DGLUCY: variants seen among roughly 807,000 people sequenced by gnomAD.
DGLUCY encodes the protein D-glutamate cyclase, mitochondrial.
Under a neutral mutation model 58.5 loss-of-function variants are expected in DGLUCY, and 58 were observed. That is an observed-to-expected ratio of 0.99 (90% CI 0.80 to 1.23). The LOEUF is 1.23. DGLUCY is among the 50% of genes most tolerant of loss of function. The pLI is 0.00. For missense variants in DGLUCY, 779 were observed against 784.7 expected (o/e 0.99, Z 0.09); for synonymous variants, 325 against 314.1 (o/e 1.03, Z -0.37).
upstream of DGLUCY, among the ~76,000 whole-genome samples, chr14:91,104,071 T>TC (rs1566941663): frequency 7.5e-6 from 1 of 133,548 alleles, no homozygotes; most frequent in Non-Finnish European, 1.6e-5. Context: ...CTTTTTTTTT[T>TC]TTTTTTTTTG....
chr14:91,119,843 G>C (rs183820843), intron 1 of DGLUCY, among the ~76,000 whole-genome samples: 2 of 152,300 alleles, frequency 1.3e-5, no homozygotes, highest in East Asian at 3.9e-4. Flanking sequence ...TAGACTGGCT[G>C]AGTCTTTCAG....
At position 91,074,118 on chromosome 14, in the gene DGLUCY, T is replaced by TACACACACACACACACACAC. The variant is rs3086753; in HGVS notation, c.-82+13438_-82+13457dup. Reference sequence around the variant, plus strand: ...CAAAAAAAAAAAATATATATATATATACACACACACACACACACACACACA... The same window carrying TACACACACACACACACACAC: ...CAAAAAAAAAAAATATATATATATATACACACACACACACACACACACACACACACACACACACACACACA... On this transcript the variant is annotated intron_variant, in intron 1 of 4. Transcript: ENST00000521334. 7.3e-4 allele frequency among the ~76,000 whole-genome samples: 51 copies of TACACACACACACACACACAC among 70,332 alleles called. 1 individual carries two copies. The highest frequency in any genetic ancestry group is 2.8e-3 in the South Asian group (4 of 1,444). 46.1% of individuals were successfully genotyped at this position (70,332 alleles called of 152,430 possible).
chr14:91,211,740 G>A (rs1405534333), intron 12 of DGLUCY, among the ~76,000 whole-genome samples: 2 of 152,144 alleles, frequency 1.3e-5, no homozygotes, highest in African/African-American at 2.4e-5. Context: ...ACTCCTGTAA[G>A]GTAACATAGG....
chr14:91,080,368 CTA>C (rs2044103178), intron 1 of DGLUCY, among the ~76,000 whole-genome samples: 1 of 152,136 alleles, frequency 6.6e-6, no homozygotes, highest in Admixed American at 6.6e-5. Flanking sequence ...GAAACTGACA[CTA>C]TTTATTTTTT....
intron 1 of DGLUCY, among the ~76,000 whole-genome samples, chr14:91,097,267 G>A (rs1426123468): frequency 1.3e-5 from 2 of 152,038 alleles, no homozygotes; most frequent in Non-Finnish European, 2.9e-5. Flanking sequence ...GGTGTGACAC[G>A]TGCCTGTGGT....
chr14:91,086,409 T>C (rs1187394747), intron 1 of DGLUCY, among the ~76,000 whole-genome samples: 2 of 152,190 alleles, frequency 1.3e-5, no homozygotes, highest in Non-Finnish European at 2.9e-5. Flanking sequence ...TTACAAGATA[T>C]GGTGTAGTAT....
intron 9 of DGLUCY, among the ~76,000 whole-genome samples, chr14:91,193,283 C>T (rs1026461709): frequency 1.3e-5 from 2 of 152,298 alleles, no homozygotes; most frequent in Admixed American, 6.5e-5. Context: ...CATCTGACAA[C>T]GGTGTTGCTG....
intron 1 of DGLUCY, among the ~76,000 whole-genome samples, chr14:91,100,350 C>T (rs1157973799): frequency 2.0e-5 from 3 of 152,110 alleles, no homozygotes; most frequent in East Asian, 3.9e-4. Context: ...AACCTCCTCA[C>T]GACTTTTGAG....
intron 4 of DGLUCY, 84 bp downstream of exon 4, chr14:91,167,462 T>G: frequency 6.4e-7 from 1 of 1,564,472 alleles, no homozygotes; most frequent in Non-Finnish European, 8.8e-7. Context: ...GGGACCTCTC[T>G]GTCCAGCCTC....
chr14:91,163,440 A>G (rs1469867748), intron 3 of DGLUCY, among the ~76,000 whole-genome samples: 1 of 152,152 alleles, frequency 6.6e-6, no homozygotes, highest in African/African-American at 2.4e-5. Context: ...GGCTTTCGGC[A>G]GCTGGGGGTG....
Position 91,102,576 on chromosome 14 carries a change from G to A in DGLUCY, c.-82+41872G>A, listed in dbSNP as rs1595645194. 6.6e-5 allele frequency among the ~76,000 whole-genome samples: 10 copies of A among 152,234 alleles called. No homozygotes were observed. In the South Asian group the frequency reaches 1.5e-3, roughly 22 times the overall value. Reference sequence around the variant, plus strand: ...ATGGCAGAGGAGCAGTGGTGTCCACGGAGAGACTGTGGAATGTCAGCAAAC... The same window carrying A: ...ATGGCAGAGGAGCAGTGGTGTCCACAGAGAGACTGTGGAATGTCAGCAAAC... On this transcript the variant is annotated intron_variant, in intron 1 of 4. Transcript: ENST00000521334.
chr14:91,115,762 C>T (rs748870437), intron 1 of DGLUCY, among the ~76,000 whole-genome samples: 2 of 152,202 alleles, frequency 1.3e-5, no homozygotes, highest in Non-Finnish European at 2.9e-5. Flanking sequence ...GCTAGATCCC[C>T]GGAGGCCAAC....
Position 91,176,160 on chromosome 14 carries a change from G to A in DGLUCY, c.730+104G>A. ...CGTAGTACAATGATTTAAAAATAAA[G>A]CCATGAAACAAAACACAAAACAGAG... On this transcript the variant is annotated intron_variant, in intron 7 of 13. Coordinates refer to ENST00000256324, the MANE Select transcript of DGLUCY (RefSeq NM_001102368.3). The A allele has an allele frequency of 2.1e-6, 3 of 1,396,704 alleles. No homozygotes were observed. In the South Asian group the frequency reaches 4.4e-5, roughly 20 times the overall value. The allele number at this position is 1,396,704 out of a possible 1,614,324, so 86.5% of individuals were successfully genotyped here.
chr14:91,157,851 A>G (rs149919484), intron 2 of DGLUCY, among the ~76,000 whole-genome samples, 161 bp downstream of exon 2: 6 of 152,176 alleles, frequency 3.9e-5, no homozygotes, highest in African/African-American at 1.4e-4. Flanking sequence ...CATTTACATT[A>G]AAACAGTACA....
intron 5 of DGLUCY, among the ~76,000 whole-genome samples, chr14:91,172,236 A>G (rs1005992581): frequency 1.3e-5 from 2 of 151,892 alleles, no homozygotes; most frequent in African/African-American, 4.8e-5. Flanking sequence ...ACACCCAGCT[A>G]ATTTATGGTT....
intron 7 of DGLUCY, among the ~76,000 whole-genome samples, chr14:91,178,662 C>T (rs1418777782): frequency 1.3e-5 from 2 of 152,154 alleles, no homozygotes; most frequent in African/African-American, 4.8e-5. Context: ...ACTTTTTCCC[C>T]TTACACATCA....
At chr14:91,204,385 G>A (rs1490453760) in intron 11 of DGLUCY, among the ~76,000 whole-genome samples, 3 of 152,210 alleles carry the variant, frequency 2.0e-5, no homozygotes, top group Admixed American at 6.5e-5. Context: ...CTGGAAGGGA[G>A]GTCCTGAGTG....
intron 1 of DGLUCY, among the ~76,000 whole-genome samples, chr14:91,117,199 C>T (rs116880973): frequency 1.9e-3 from 295 of 152,282 alleles, no homozygotes; most frequent in Non-Finnish European, 3.8e-3. Context: ...CATGCTAATG[C>T]ATTATGGTTA....
upstream of DGLUCY, among the ~76,000 whole-genome samples, chr14:91,106,983 A>G (rs570475269): frequency 7.2e-5 from 11 of 152,294 alleles, no homozygotes; most frequent in Admixed American, 3.9e-4. Flanking sequence ...ACAGTTTGCA[A>G]TTGCTTATTT....
Sources: gnomAD v4.1 joint callset for allele counts (sites outside exome capture counted in the v4.1 genomes callset) on GRCh38, gnomAD v4.1.1 for gene constraint, MANE v1.5 for transcripts, NCBI Gene and HGNC (gene_info 2026-07-23, HGNC 2026-07-21) for gene names.